TMPRSS15: variants seen among roughly 807,000 people sequenced by gnomAD.
The protein encoded by TMPRSS15 is enteropeptidase.
A neutral mutation model predicts 125.3 loss-of-function variants in TMPRSS15; 128 were observed. The ratio of observed to expected loss-of-function variants is 1.02; its 90% CI spans 0.89 to 1.18. The LOEUF is 1.18. Ranked by LOEUF, TMPRSS15 falls within the 50% of genes most tolerant of loss-of-function variation. The pLI is 0.00. For synonymous variants in TMPRSS15, 446 were observed against 423.2 expected (o/e 1.05, Z -0.66); for missense variants, 1,283 against 1,212.7 (o/e 1.06, Z -0.86).
chr21:18,359,232 G>A (rs887234433), intron 8 of TMPRSS15, among the ~76,000 whole-genome samples: 4 of 151,950 alleles, frequency 2.6e-5, no homozygotes, highest in East Asian at 1.9e-4. Flanking sequence ...CATGTGTAAC[G>A]ATAAATGGTT....
intron 21 of TMPRSS15, among the ~76,000 whole-genome samples, chr21:18,281,648 G>A (rs1769684616): frequency 6.6e-6 from 1 of 152,046 alleles, no homozygotes; most frequent in African/African-American, 2.4e-5. Context: ...ATAATATATG[G>A]CTAGGTTGGA....
chr21:18,380,260 C>T (rs1032270259), intron 4 of TMPRSS15, among the ~76,000 whole-genome samples: 2 of 151,650 alleles, frequency 1.3e-5, no homozygotes, highest in African/African-American at 4.8e-5. Context: ...ATATGTAACA[C>T]ACACACACTC....
chr21:18,282,721 T>G (rs1304467639), intron 21 of TMPRSS15, among the ~76,000 whole-genome samples: 3 of 152,210 alleles, frequency 2.0e-5, no homozygotes, highest in African/African-American at 7.2e-5. Flanking sequence ...TATCTCTTCA[T>G]TTAATCCTCA....
intron 3 of TMPRSS15, among the ~76,000 whole-genome samples, chr21:18,385,340 C>T (rs1001552350): frequency 6.6e-6 from 1 of 152,168 alleles, no homozygotes; most frequent in East Asian, 1.9e-4. Context: ...GGCTGGCTAA[C>T]CCCTAATTTT....
At chr21:18,402,159 A>G (rs2076100854) in intron 1 of TMPRSS15, among the ~76,000 whole-genome samples, 1 of 152,224 alleles carries the variant, frequency 6.6e-6, no homozygotes, top group African/African-American at 2.4e-5. Flanking sequence ...CATGTGCATT[A>G]CATTCTAATT....
chr21:18,359,827 A>G lies in TMPRSS15; in HGVS notation c.810T>C (p.Asp270=). ...TATCTGTATAATATGTATTAAAATC[A>G]TCGAAGCTCAGTTTAATGGAAAGTC... ...NQGLSIKLSF[D]DFNTYYTDIL... Residue 270 remains aspartate (D), a synonymous_variant, in exon 8 of 25, where the codon GAT becomes GAC. Transcript: ENST00000284885. 6.5e-7 allele frequency: 1 copy of G among 1,536,100 alleles called. No individual in the cohort carries two copies. The highest frequency in any genetic ancestry group is 9.0e-7 in the Non-Finnish European group (1 of 1,111,462).
At chr21:18,338,706 C>G (rs137917371) in intron 13 of TMPRSS15, among the ~76,000 whole-genome samples, 2 of 140,920 alleles carry the variant, frequency 1.4e-5, no homozygotes, top group Admixed American at 7.3e-5. Flanking sequence ...GAGAGAGAGA[C>G]AGAGACAGAC....
At chr21:18,479,182 C>A (rs1173834367) in intron 1 of TMPRSS15, among the ~76,000 whole-genome samples, 1 of 151,906 alleles carries the variant, frequency 6.6e-6, no homozygotes, top group Non-Finnish European at 1.5e-5. Flanking sequence ...GCTAAGATTT[C>A]TTTCTGCATA....
At position 18,329,169 on chromosome 21, in the gene TMPRSS15, C is replaced by T. The variant is rs754255036; in HGVS notation, c.1780G>A (p.Ala594Thr). Residue 594 changes from alanine to threonine, a missense_variant and splice_region_variant, in exon 15 of 25, where the codon GCT becomes ACT. Ala to Thr is a moderately conservative substitution (Grantham distance 58). Coordinates refer to ENST00000284885, the MANE Select transcript of TMPRSS15 (RefSeq NM_002772.3). ...TACAATATTCAGATTGCAGACTTACCTAAGAGCAAGGAATCAGCTTCTTCA... is the reference window on the plus strand; with the variant it reads ...TACAATATTCAGATTGCAGACTTACTTAAGAGCAAGGAATCAGCTTCTTCA... ...DGEEADSLLL[A>T]VYTGPGPVKD... is the part of the protein sequence containing the mutation. 1.6e-5 allele frequency: 25 copies of T among 1,612,400 alleles called. No homozygotes were observed. The highest frequency in any genetic ancestry group is 2.0e-5 in the Non-Finnish European group (24 of 1,178,918).
intron 6 of TMPRSS15, among the ~76,000 whole-genome samples, chr21:18,365,859 G>A (rs568492647): frequency 8.7e-5 from 13 of 148,878 alleles, no homozygotes; most frequent in East Asian, 2.0e-4. Flanking sequence ...CTCAGCCTCC[G>A]GAGTAGCTGG....
At chr21:18,450,274 T>G (rs1048684987) in intron 1 of TMPRSS15, among the ~76,000 whole-genome samples, 1 of 152,150 alleles carries the variant, frequency 6.6e-6, no homozygotes, top group African/African-American at 2.4e-5. Context: ...TGTTTTTTTT[T>G]TCTAGCATAT....
intron 19 of TMPRSS15, among the ~76,000 whole-genome samples, chr21:18,295,879 G>A (rs1472422231): frequency 6.6e-6 from 1 of 152,198 alleles, no homozygotes; most frequent in Non-Finnish European, 1.5e-5. Flanking sequence ...TAGGCCGGGC[G>A]CGGTGGCTCA....
chr21:18,323,770 T>C (rs2075263750), intron 16 of TMPRSS15, among the ~76,000 whole-genome samples: 1 of 152,204 alleles, frequency 6.6e-6, no homozygotes, highest in African/African-American at 2.4e-5. Flanking sequence ...TGGCCTCCAG[T>C]AGAATAGTAT....
Position 18,291,717 on chromosome 21 carries a change from T to G in TMPRSS15, c.2486+2553A>C, listed in dbSNP as rs754032473. On this transcript the variant is annotated intron_variant, in intron 21 of 24. Coordinates refer to ENST00000284885, the MANE Select transcript of TMPRSS15 (RefSeq NM_002772.3). ...TCAGAAACTTTCTTTGTTAGAGACATGAAGTAGAAAGCAAGAAAACTCTTA... is the reference window on the plus strand; with the variant it reads ...TCAGAAACTTTCTTTGTTAGAGACAGGAAGTAGAAAGCAAGAAAACTCTTA... 7.3e-5 allele frequency among the ~76,000 whole-genome samples: 11 copies of G among 151,208 alleles called. No individual in the cohort carries two copies. In the Middle Eastern group the frequency reaches 0.014, roughly 187 times the overall value.
At chr21:18,422,055 C>G (rs1054274817) in intron 1 of TMPRSS15, among the ~76,000 whole-genome samples, 2 of 150,454 alleles carry the variant, frequency 1.3e-5, no homozygotes, top group Non-Finnish European at 2.9e-5. Flanking sequence ...ATGACCTAGG[C>G]TCACTGCAAC....
chr21:18,401,079 A>G (rs896618093), intron 1 of TMPRSS15, among the ~76,000 whole-genome samples: 1 of 152,130 alleles, frequency 6.6e-6, no homozygotes, highest in Non-Finnish European at 1.5e-5. Flanking sequence ...TCGAAAAACA[A>G]CAGATGTTGA....
chr21:18,465,226 ACT>A (rs140754529), intron 1 of TMPRSS15, among the ~76,000 whole-genome samples: 7,693 of 152,076 alleles, frequency 0.051, 641 homozygotes, highest in African/African-American at 0.17. Context: ...CATGCAAAAA[ACT>A]CTCAATAAAC....
chr21:18,319,362 G>A (rs188635711), intron 16 of TMPRSS15, among the ~76,000 whole-genome samples: 199 of 150,550 alleles, frequency 1.3e-3, no homozygotes, highest in Non-Finnish European at 2.2e-3. Flanking sequence ...CAGAGAATAC[G>A]CAGTAGATAA....
chr21:18,372,841 C>T (rs2075806047), intron 5 of TMPRSS15, among the ~76,000 whole-genome samples: 1 of 152,230 alleles, frequency 6.6e-6, no homozygotes, highest in Non-Finnish European at 1.5e-5. Flanking sequence ...TTGCACCTCT[C>T]AGCCTGACTT....
Sources: gnomAD v4.1 joint callset for allele counts (sites outside exome capture counted in the v4.1 genomes callset) on GRCh38, gnomAD v4.1.1 for gene constraint, MANE v1.5 for transcripts, NCBI Gene and HGNC (gene_info 2026-07-23, HGNC 2026-07-21) for gene names.